UNC13B: variants seen among roughly 807,000 people sequenced by gnomAD.
The protein encoded by UNC13B is unc-13 homolog B.
In UNC13B, 144 loss-of-function variants were observed where a neutral mutation model predicts 211.0. The ratio of observed to expected loss-of-function variants is 0.68; its 90% CI spans 0.60 to 0.78. The LOEUF (loss-of-function observed/expected upper bound fraction) is 0.78, where lower values mean the gene tolerates loss of function less well. UNC13B is among the 30% of genes least tolerant of loss of function. UNC13B has a pLI of 0.00. For synonymous variants in UNC13B, 709 were observed against 725.8 expected (o/e 0.98, Z 0.37); for missense variants, 1,777 against 2,002.0 (o/e 0.89, Z 2.14).
chr9:35,290,836 T>G (rs897567257), intron 7 of UNC13B, among the ~76,000 whole-genome samples: 6 of 152,084 alleles, frequency 3.9e-5, no homozygotes, highest in African/African-American at 1.4e-4. Flanking sequence ...TTTTTTGGGT[T>G]GTTGTTAGTC....
At chr9:35,320,420 A>G (rs1830682792) in intron 11 of UNC13B, among the ~76,000 whole-genome samples, 1 of 152,182 alleles carries the variant, frequency 6.6e-6, no homozygotes, top group African/African-American at 2.4e-5. Context: ...TCCCACTAGT[A>G]ATGTCTTAAG....
intron 25 of UNC13B, among the ~76,000 whole-genome samples, chr9:35,390,221 A>G (rs1005437452): frequency 2.0e-5 from 3 of 152,182 alleles, no homozygotes; most frequent in Admixed American, 6.5e-5. Context: ...TGGGACTGCC[A>G]TAGGAGCCCC....
intron 2 of UNC13B, among the ~76,000 whole-genome samples, chr9:35,229,225 G>A (rs1293158386): frequency 6.6e-6 from 1 of 152,166 alleles, no homozygotes; most frequent in Non-Finnish European, 1.5e-5. Context: ...AGGGAGGGGA[G>A]CTGGAGGGTT....
intron 10 of UNC13B, 31 bp from the exon 11 acceptor site, chr9:35,313,868 T>A (rs748564611): frequency 6.3e-7 from 1 of 1,580,682 alleles, no homozygotes; most frequent in East Asian, 2.2e-5. Context: ...CTTGGCTATT[T>A]TTAAGAAATG....
intron 26 of UNC13B, among the ~76,000 whole-genome samples, chr9:35,394,122 CAG>C (rs1161940593): frequency 6.6e-6 from 1 of 152,034 alleles, no homozygotes; most frequent in Non-Finnish European, 1.5e-5. Flanking sequence ...GAGGTGAAAT[CAG>C]GGGCTGGCGA....
rs1459500908 is a variant in UNC13B, at chr9:35,378,305, C to T, written c.10074C>T (p.Ala3358=). Residue 3358 remains alanine (A), a synonymous_variant, in exon 17 of 40, where the codon GCC becomes GCT. Transcript: ENST00000635942. ...ATGCTTGGGTTGCAGTGGTGTGTGC[C>T]CAGGGCCTACAAGCCAAGGACAAAA... ...SAKITITVVC[A]QGLQAKDKTG... is the part of the protein sequence containing the mutation. 4 of 1,613,970 alleles carry T rather than the reference C, an allele frequency of 2.5e-6. No individual in the cohort carries two copies. The highest frequency in any genetic ancestry group is 3.4e-6 in the Non-Finnish European group (4 of 1,180,018).
intron 22 of UNC13B, 68 bp downstream of exon 22, chr9:35,384,382 A>T: frequency 6.4e-7 from 1 of 1,551,496 alleles, no homozygotes; most frequent in Non-Finnish European, 8.8e-7. Context: ...ACTGTAGGCC[A>T]ATCTTGGCTA....
chr9:35,296,412 A>G (rs1235130604), intron 8 of UNC13B, among the ~76,000 whole-genome samples: 1 of 152,254 alleles, frequency 6.6e-6, no homozygotes, highest in African/African-American at 2.4e-5. Flanking sequence ...ATATAAAACA[A>G]TTATGTGGTT....
chr9:35,281,099 A>C (rs1828457840), intron 7 of UNC13B, among the ~76,000 whole-genome samples: 1 of 151,990 alleles, frequency 6.6e-6, no homozygotes, highest in Non-Finnish European at 1.5e-5. Context: ...AAATACAAAA[A>C]ATTAGCTGGG....
chr9:35,171,838 T>A (rs1821350034), intron 1 of UNC13B, among the ~76,000 whole-genome samples: 1 of 152,198 alleles, frequency 6.6e-6, no homozygotes, highest in South Asian at 2.1e-4. Context: ...TTTAATGTAT[T>A]TCTTAATCTC....
intron 12 of UNC13B, 127 bp downstream of exon 12, chr9:35,367,120 A>G (rs17849235): frequency 1.1e-5 from 10 of 947,956 alleles, no homozygotes; most frequent in African/African-American, 8.1e-5. Flanking sequence ...AGGTTCCACT[A>G]TAGGTTGGTT....
intron 9 of UNC13B, among the ~76,000 whole-genome samples, chr9:35,308,797 T>G (rs1032917684): frequency 6.6e-6 from 1 of 152,240 alleles, no homozygotes; most frequent in Admixed American, 6.5e-5. Flanking sequence ...GGATGCTTCC[T>G]TGGGCCTTAG....
intron 1 of UNC13B, among the ~76,000 whole-genome samples, chr9:35,193,979 G>A (rs937909931): frequency 7.9e-5 from 12 of 151,410 alleles, no homozygotes; most frequent in Non-Finnish European, 1.3e-4. Context: ...ACCTTGACAC[G>A]CCATGTGCTC....
rs760840077 is a variant in UNC13B, at chr9:35,397,226, A to T, written c.11592A>T (p.Gln3864His). The T allele has an allele frequency of 6.2e-7, 1 of 1,614,064 alleles. No individual in the cohort carries two copies. Among genetic ancestry groups the T allele is most frequent in the Non-Finnish European group, 8.5e-7 (1 of 1,180,012 alleles). The stretch of plus-strand genomic sequence containing the variant: ...GCTCTGTGGTGGATGTCTTCACACA[A>T]CTCAATCAGAGCTTTGAGATCATCC... ...FSCSVVDVFT[Q>H]LNQSFEIIRK... The change falls in exon 29 of 40, where the codon CAA (glutamine) becomes CAT (histidine). Residue 3864 changes from glutamine (Q) to histidine (H), a missense_variant. By Grantham distance (24) the Gln-to-His change is conservative. Coordinates refer to ENST00000635942, the MANE Select transcript of UNC13B (RefSeq NM_001371189.2).
intron 24 of UNC13B, among the ~76,000 whole-genome samples, chr9:35,387,391 C>T (rs1044165696): frequency 2.6e-5 from 4 of 152,306 alleles, no homozygotes; most frequent in African/African-American, 9.6e-5. Context: ...ACTGCCTCTT[C>T]TCATTCCCAA....
chr9:35,293,424 G>A (rs573656117), intron 7 of UNC13B, among the ~76,000 whole-genome samples: 27 of 152,264 alleles, frequency 1.8e-4, no homozygotes, highest in Non-Finnish European at 3.1e-4. Flanking sequence ...ATTGTCTGTC[G>A]CAGTTGCCTC....
At chr9:35,236,406 G>A in intron 3 of UNC13B, 63 bp from the exon 4 acceptor site, 1 of 1,310,502 alleles carries the variant, frequency 7.6e-7, no homozygotes, top group Non-Finnish European at 1.1e-6. Flanking sequence ...AGCAAAACAG[G>A]AGATGTAGTT....
intron 7 of UNC13B, among the ~76,000 whole-genome samples, chr9:35,274,850 C>A (rs1828083888): frequency 6.6e-6 from 1 of 152,124 alleles, no homozygotes; most frequent in South Asian, 2.1e-4. Flanking sequence ...CAGTGCTCCC[C>A]CATAAAAGAG....
At position 35,341,883 on chromosome 9, in the gene UNC13B, T is replaced by C. The variant is rs966730035; in HGVS notation, c.9415-25064T>C. The C allele has an allele frequency of 1.0e-5, 10 of 979,310 alleles. No homozygotes were observed. The African/African-American group carries it at 1.7e-4, about 17-fold the overall frequency. 60.7% of individuals were successfully genotyped at this position (979,310 alleles called of 1,614,324 possible). A position where few individuals can be genotyped will look rare whatever the true frequency, so the allele number is the denominator to read the frequency against. ...GCAGCAGCAGGAGCAGGAGCTGCCC[T>C]GCTTTCTGCCTCAGTCTCAAAGCCC... On this transcript the variant is annotated intron_variant, in intron 11 of 39. Transcript: ENST00000635942.
Sources: allele counts gnomAD v4.1 joint callset (sites outside exome capture counted in the v4.1 genomes callset), GRCh38; gene constraint gnomAD v4.1.1; transcripts MANE v1.5; gene names NCBI Gene and HGNC (gene_info 2026-07-23, HGNC 2026-07-21).